The following RBFOX1 variants were observed in gnomAD, a reference collection of about 807,000 sequenced individuals.
RBFOX1 encodes RNA binding fox-1 homolog 1.
RBFOX1 carries 8 observed loss-of-function variants against 57.7 expected under a neutral mutation model. The ratio of observed to expected loss-of-function variants is 0.14; its 90% CI spans 0.08 to 0.25. RBFOX1 has a LOEUF of 0.25. RBFOX1 is among the 10% of genes least tolerant of loss of function. The pLI, the probability that RBFOX1 is intolerant of heterozygous loss-of-function variation, is 1.00. For synonymous variants in RBFOX1, 326 were observed against 222.4 expected (o/e 1.47, Z -4.15); for missense variants, 611 against 548.5 (o/e 1.11, Z -1.14).
chr16:6,782,232 C>T (rs977104219), intron 3 of RBFOX1, among the ~76,000 whole-genome samples: 4 of 152,188 alleles, frequency 2.6e-5, no homozygotes, highest in African/African-American at 9.7e-5. Flanking sequence ...ATCTCTGTCT[C>T]TTGACCTCGT....
chr16:6,296,597 T>G (rs567619670), intron 1 of RBFOX1, among the ~76,000 whole-genome samples: 2 of 152,228 alleles, frequency 1.3e-5, no homozygotes, highest in African/African-American at 4.8e-5. Context: ...ATCTTTTATA[T>G]TTTTAGTAGA....
At chr16:6,895,246 A>G (rs576138796) in intron 3 of RBFOX1, among the ~76,000 whole-genome samples, 1 of 151,812 alleles carries the variant, frequency 6.6e-6, no homozygotes, top group East Asian at 1.9e-4. Flanking sequence ...TATATCCCAA[A>G]TGTATATCCC....
At chr16:7,528,629 T>G (rs2079245316) in intron 5 of RBFOX1, among the ~76,000 whole-genome samples, 1 of 152,194 alleles carries the variant, frequency 6.6e-6, no homozygotes, top group Admixed American at 6.5e-5. Context: ...AGCTCAGTAC[T>G]GCCTCCTGAG....
intron 3 of RBFOX1, chr16:6,983,499 C>T (rs1249406389): frequency 1.3e-5 from 2 of 150,938 alleles, no homozygotes; most frequent in African/African-American, 4.9e-5. Context: ...GCGCTTACTT[C>T]AGCTTATAAG....
chr16:6,659,071 C>T (rs995986149), intron 3 of RBFOX1, among the ~76,000 whole-genome samples: 1 of 151,950 alleles, frequency 6.6e-6, no homozygotes, highest in African/African-American at 2.4e-5. Context: ...TTGACATTTA[C>T]AGTACCTGTG....
chr16:5,984,961 TATATATATA>T (rs2060251896), intron 4 of RBFOX1, among the ~76,000 whole-genome samples: 2 of 37,848 alleles, frequency 5.3e-5, no homozygotes, highest in African/African-American at 2.0e-4. Flanking sequence ...TATATATATA[TATATATATA>T]TATATATTTT....
intron 2 of RBFOX1, among the ~76,000 whole-genome samples, chr16:6,557,028 TATATA>T (rs1567671836): frequency 0.019 from 2,531 of 134,560 alleles, 90 homozygotes; most frequent in African/African-American, 0.077. Flanking sequence ...TATATATACA[TATATA>T]CACATATATA....
chr16:7,568,882 CAAA>C (rs34858992), intron 5 of RBFOX1, among the ~76,000 whole-genome samples: 32 of 77,554 alleles, frequency 4.1e-4, no homozygotes, highest in African/African-American at 1.5e-3. Context: ...GACTCTGTCT[CAAA>C]AAAAAAAAAA....
chr16:6,350,849 G>A (rs192945440), intron 2 of RBFOX1, among the ~76,000 whole-genome samples: 147 of 152,316 alleles, frequency 9.7e-4, no homozygotes, highest in African/African-American at 3.3e-3. Flanking sequence ...GTGGATGCAT[G>A]GGGATTTGAA....
In RBFOX1 at chr16:6,805,829, A is replaced by G. The variant is rs144730057; in HGVS notation, c.-16+151179A>G. ...TCTTCGCTGCCCTGTTGTCCTCAGCATCTATCTCCGCCTTTCTCCTTACAG... is the reference window on the plus strand; with the variant it reads ...TCTTCGCTGCCCTGTTGTCCTCAGCGTCTATCTCCGCCTTTCTCCTTACAG... On this transcript the variant is annotated intron_variant, in intron 3 of 15. Coordinates refer to ENST00000550418, the MANE Select transcript of RBFOX1 (RefSeq NM_018723.4). 3.9e-5 allele frequency among the ~76,000 whole-genome samples: 6 copies of G among 152,304 alleles called. No homozygotes were observed. The East Asian group carries it at 9.7e-4, about 25-fold the overall frequency.
chr16:7,240,532 G>C (rs888207182), intron 4 of RBFOX1, among the ~76,000 whole-genome samples: 8 of 151,864 alleles, frequency 5.3e-5, no homozygotes, highest in Non-Finnish European at 1.5e-5. Flanking sequence ...GGGTTTTCGT[G>C]GTGTTTTTTG....
intron 3 of RBFOX1, among the ~76,000 whole-genome samples, chr16:6,898,927 G>T (rs924679327): frequency 6.6e-6 from 1 of 151,350 alleles, no homozygotes; most frequent in African/African-American, 2.4e-5. Flanking sequence ...ATGTGTATAT[G>T]TGTGTATGTG....
At chr16:6,835,451 A>G (rs1396789050) in intron 3 of RBFOX1, among the ~76,000 whole-genome samples, 1 of 152,076 alleles carries the variant, frequency 6.6e-6, no homozygotes, top group Non-Finnish European at 1.5e-5. Flanking sequence ...CCTTAACACA[A>G]TTTAAGTTTC....
At chr16:6,059,382 C>G (rs1044523660) in intron 1 of RBFOX1, 1 of 151,944 alleles carries the variant, frequency 6.6e-6, no homozygotes, top group Non-Finnish European at 1.5e-5. Context: ...ATAGAGATGA[C>G]CTAATCAAAA....
intron 2 of RBFOX1, among the ~76,000 whole-genome samples, chr16:5,546,975 C>T (rs1260454789): frequency 6.6e-6 from 1 of 152,088 alleles, no homozygotes; most frequent in Non-Finnish European, 1.5e-5. Flanking sequence ...ATTAGATATA[C>T]ATGGCAAATA....
At chr16:5,922,158 C>T (rs1239195361) in intron 4 of RBFOX1, among the ~76,000 whole-genome samples, 1 of 152,100 alleles carries the variant, frequency 6.6e-6, no homozygotes, top group Non-Finnish European at 1.5e-5. Flanking sequence ...AAGACCCTGT[C>T]TCGACAAAGA....
At chr16:6,779,155 A>G (rs1479790959) in intron 3 of RBFOX1, among the ~76,000 whole-genome samples, 1 of 151,986 alleles carries the variant, frequency 6.6e-6, no homozygotes, top group Non-Finnish European at 1.5e-5. Context: ...ACCTACTTCT[A>G]ACTCCCCCTT....
At chr16:5,782,189 T>C (rs905855628) in intron 3 of RBFOX1, among the ~76,000 whole-genome samples, 9 of 152,166 alleles carry the variant, frequency 5.9e-5, no homozygotes, top group African/African-American at 2.2e-4. Flanking sequence ...CCAGCCTGAG[T>C]GACAAAGCAA....
intron 4 of RBFOX1, among the ~76,000 whole-genome samples, chr16:6,008,480 C>G (rs2094940268): frequency 6.6e-6 from 1 of 152,050 alleles, no homozygotes; most frequent in Non-Finnish European, 1.5e-5. Flanking sequence ...GGTGGAGAAA[C>G]TGGAGGTGAT....
Sources: allele counts gnomAD v4.1 joint callset (sites outside exome capture counted in the v4.1 genomes callset), GRCh38; gene constraint gnomAD v4.1.1; transcripts MANE v1.5; gene names NCBI Gene and HGNC (gene_info 2026-07-23, HGNC 2026-07-21).